The following UNC13C variants were observed in gnomAD, a reference collection of about 807,000 sequenced individuals.
The protein encoded by UNC13C is protein unc-13 homolog C.
UNC13C carries 174 observed loss-of-function variants against 245.4 expected under a neutral mutation model. That is an observed-to-expected ratio of 0.71 (90% CI 0.63 to 0.80). The LOEUF (loss-of-function observed/expected upper bound fraction) is 0.80. Ranked by LOEUF, UNC13C falls within the 30% of genes least tolerant of loss-of-function variation. UNC13C has a pLI of 0.00. For missense variants in UNC13C, 2,829 were observed against 2,602.9 expected (o/e 1.09, Z -1.89); for synonymous variants, 992 against 895.1 (o/e 1.11, Z -1.93).
At chr15:54,010,375 G>A (rs1895328307) in intron 1 of UNC13C, among the ~76,000 whole-genome samples, 1 of 152,170 alleles carries the variant, frequency 6.6e-6, no homozygotes, top group Admixed American at 6.5e-5. Flanking sequence ...GCACAGAGGA[G>A]GAAGTGCTGT....
chr15:54,205,544 C>T (rs192570145), intron 4 of UNC13C, among the ~76,000 whole-genome samples: 1 of 152,070 alleles, frequency 6.6e-6, no homozygotes, highest in East Asian at 1.9e-4. Context: ...TAAATATTGG[C>T]TATTTTCATG....
intron 18 of UNC13C, among the ~76,000 whole-genome samples, chr15:54,398,883 T>C (rs1434760766): frequency 6.6e-6 from 1 of 151,586 alleles, no homozygotes; most frequent in Non-Finnish European, 1.5e-5. Flanking sequence ...GTTTATAAAT[T>C]TTACTGGTCT....
At chr15:53,990,569 G>T (rs151003395) in intron 1 of UNC13C, among the ~76,000 whole-genome samples, 1 of 152,076 alleles carries the variant, frequency 6.6e-6, no homozygotes, top group East Asian at 1.9e-4. Flanking sequence ...TAGATGCACA[G>T]ATCTTTCCTA....
chr15:54,573,231 T>A (rs563405894), intron 30 of UNC13C, among the ~76,000 whole-genome samples: 59 of 152,340 alleles, frequency 3.9e-4, no homozygotes, highest in Non-Finnish European at 7.1e-4. Context: ...CTCCTATTTT[T>A]GTACTCCTTT....
chr15:53,917,042 G>A, the UNC13C span, among the ~76,000 whole-genome samples: 1 of 152,196 alleles, frequency 6.6e-6, no homozygotes, highest in Non-Finnish European at 1.5e-5. Flanking sequence ...ATCAGTAATG[G>A]CACATTAATT....
chr15:54,396,675 C>A (rs898895869), intron 18 of UNC13C, among the ~76,000 whole-genome samples: 1 of 151,428 alleles, frequency 6.6e-6, no homozygotes, highest in African/African-American at 2.4e-5. Context: ...AGTGGCTGTA[C>A]CATGCCAACA....
chr15:54,359,269 T>A (rs1292909887), intron 17 of UNC13C, among the ~76,000 whole-genome samples: 1 of 151,884 alleles, frequency 6.6e-6, no homozygotes, highest in African/African-American at 2.4e-5. Context: ...AGGGATATTG[T>A]CCTATAGTTT....
At chr15:54,019,015 A>AG (rs1364462653) in intron 2 of UNC13C, among the ~76,000 whole-genome samples, 2 of 152,240 alleles carry the variant, frequency 1.3e-5, no homozygotes, top group Non-Finnish European at 2.9e-5. Flanking sequence ...AGAACTCAGA[A>AG]GAATAGACAT....
intron 8 of UNC13C, among the ~76,000 whole-genome samples, chr15:54,262,055 A>AT (rs890827525): frequency 2.6e-5 from 4 of 152,162 alleles, no homozygotes; most frequent in African/African-American, 7.2e-5. Context: ...TTTCCTAATT[A>AT]TTTTTTTAAT....
intron 2 of UNC13C, among the ~76,000 whole-genome samples, chr15:54,054,816 T>G (rs554308633): frequency 4.6e-5 from 7 of 152,230 alleles, no homozygotes; most frequent in South Asian, 4.2e-4. Context: ...TTTTATTTTT[T>G]TTTGTTTGTT....
chr15:54,556,990 T>C (rs542235894), intron 29 of UNC13C, among the ~76,000 whole-genome samples: 1 of 152,146 alleles, frequency 6.6e-6, no homozygotes, highest in South Asian at 2.1e-4. Flanking sequence ...GCTGGCTGAG[T>C]TCTTCTCAGA....
At chr15:54,126,821 G>T (rs1479173767) in intron 2 of UNC13C, among the ~76,000 whole-genome samples, 1 of 152,050 alleles carries the variant, frequency 6.6e-6, no homozygotes, top group Non-Finnish European at 1.5e-5. Context: ...CTGACAAAGG[G>T]CTAATACACA....
chr15:54,298,200 T>A (rs1031302067), intron 12 of UNC13C, among the ~76,000 whole-genome samples: 2 of 152,042 alleles, frequency 1.3e-5, no homozygotes, highest in Non-Finnish European at 2.9e-5. Context: ...TACAAAAAAA[T>A]TAATGTTCTT....
At chr15:54,138,953 A>ATTTTTTTATTT (rs2031872809) in intron 2 of UNC13C, among the ~76,000 whole-genome samples, 1 of 48,632 alleles carries the variant, frequency 2.1e-5, no homozygotes, top group African/African-American at 7.8e-5. Flanking sequence ...ATTTCCCCTA[A>ATTTTTTTATTT]TTTTTTTTTT....
At chr15:54,146,785 G>A (rs1261816790) in intron 4 of UNC13C, among the ~76,000 whole-genome samples, 1 of 152,172 alleles carries the variant, frequency 6.6e-6, no homozygotes, top group African/African-American at 2.4e-5. Context: ...AGGTTTAGTG[G>A]ACAGAAATGT....
chr15:54,587,831 A>G (rs1400649364), intron 30 of UNC13C, among the ~76,000 whole-genome samples: 2 of 152,222 alleles, frequency 1.3e-5, no homozygotes, highest in Non-Finnish European at 2.9e-5. Context: ...AGACCTCTTC[A>G]TGTAAGATAC....
At chr15:54,226,684 A>G (rs1277259881) in intron 4 of UNC13C, among the ~76,000 whole-genome samples, 1 of 152,092 alleles carries the variant, frequency 6.6e-6, no homozygotes, top group East Asian at 1.9e-4. Context: ...ACGGTGTAAA[A>G]CCAAGCTGAG....
intron 8 of UNC13C, among the ~76,000 whole-genome samples, chr15:54,263,215 A>G (rs2036470399): frequency 6.6e-6 from 1 of 152,198 alleles, no homozygotes; most frequent in African/African-American, 2.4e-5. Context: ...ACTGTATTTC[A>G]GTTGCTTCTG....
the UNC13C span, among the ~76,000 whole-genome samples, chr15:53,904,926 T>G: frequency 1.3e-5 from 2 of 152,178 alleles, no homozygotes; most frequent in African/African-American, 4.8e-5. Flanking sequence ...GAATAAGAAC[T>G]GTAACAGTAC....
Sources: gnomAD v4.1 joint callset for allele counts (sites outside exome capture counted in the v4.1 genomes callset) on GRCh38, gnomAD v4.1.1 for gene constraint, MANE v1.5 for transcripts, NCBI Gene and HGNC (gene_info 2026-07-23, HGNC 2026-07-21) for gene names.